The following MYO1F variants were observed in gnomAD, a reference collection of about 807,000 sequenced individuals.
MYO1F encodes the protein unconventional myosin-If.
Under a neutral mutation model 146.6 loss-of-function variants are expected in MYO1F, and 60 were observed. The observed-to-expected ratio is 0.41, with a 90% confidence interval of 0.33 to 0.51. The LOEUF (loss-of-function observed/expected upper bound fraction) is 0.51, where lower values mean the gene tolerates loss of function less well. Among genes scored for constraint, MYO1F ranks in the 20% least tolerant of loss-of-function variants. The probability of loss-of-function intolerance (pLI) is 0.25; values close to 1 mark genes in which losing one functional copy is unlikely to be tolerated. For synonymous variants in MYO1F, 602 were observed against 602.1 expected (o/e 1.00, Z 0.00); for missense variants, 1,274 against 1,534.3 (o/e 0.83, Z 2.83).
At position 8,526,439 on chromosome 19, in the gene MYO1F, C is replaced by T. The variant is rs1364157345; in HGVS notation, c.2770+14G>A. 6.4e-7 allele frequency: 1 copy of T among 1,551,838 alleles called. No individual in the cohort carries two copies. Among genetic ancestry groups the T allele is most frequent in the Non-Finnish European group, 8.7e-7 (1 of 1,147,730 alleles). ...TGGCCCCGCCCCCTCTGCCCTAGTT[C>T]CGCGCAGACTCACTGGAGCTCTTGG... On this transcript the variant is annotated intron_variant, in intron 24 of 27. Transcript: ENST00000644032.
In MYO1F at chr19:8,544,306, G is replaced by C; in HGVS notation, c.1515C>G (p.Tyr505Ter). 2 of 1,613,142 alleles carry C rather than the reference G, an allele frequency of 1.2e-6. No homozygotes were observed. Among genetic ancestry groups the C allele is most frequent in the South Asian group, 1.1e-5 (1 of 91,080 alleles). ...GGGGCAGGGGGCGCACCTTGCCAGC[G>C]TAGTGGTGGATGACGAAGCCGGCGC... ...SWSAGFVIHHYAGKVSYDVSG... is the reference protein window; with the variant it reads ...SWSAGFVIHH The change falls in exon 14 of 28, where the codon TAC (tyrosine) becomes TAG (stop). Residue 505 changes from tyrosine to a stop codon, truncating the protein, a stop_gained. Coordinates refer to ENST00000644032, the MANE Select transcript of MYO1F (RefSeq NM_012335.4). LOFTEE classifies it high-confidence loss of function.
At chr19:8,541,805 T>C in intron 15 of MYO1F, 101 bp downstream of exon 15, 1 of 1,071,724 alleles carries the variant, frequency 9.3e-7, no homozygotes, top group Admixed American at 1.7e-5. Context: ...CTCGAGTTTG[T>C]GGCGAGATGG....
chr19:8,563,499 TTTTC>T (rs1331701933), intron 1 of MYO1F, among the ~76,000 whole-genome samples: 2 of 116,680 alleles, frequency 1.7e-5, no homozygotes, highest in Non-Finnish European at 3.4e-5. Context: ...GGATTTTTCT[TTTTC>T]TTTCTTTCTT....
chr19:8,555,069 C>T (rs143108385), intron 2 of MYO1F, among the ~76,000 whole-genome samples: 1,903 of 152,030 alleles, frequency 0.013, 18 homozygotes, highest in Middle Eastern at 0.044. Context: ...CCTGTAATCC[C>T]GGCTACTTGG....
Position 8,526,972 on chromosome 19 carries a change from A to G in MYO1F, c.2475-37T>C, listed in dbSNP as rs1599914057. 3 of 1,610,756 alleles carry G rather than the reference A, an allele frequency of 1.9e-6. No homozygotes were observed. The East Asian group carries it at 6.7e-5, about 36-fold the overall frequency. ...CGGGTGAGAGCGTCAGGTGGGACAC[A>G]GGTGAGGGCGACAGGTGAGAGAGAC... On this transcript the variant is annotated intron_variant, in intron 22 of 27. Transcript: ENST00000644032.
intron 19 of MYO1F, among the ~76,000 whole-genome samples, chr19:8,536,036 T>C (rs928713996): frequency 1.3e-5 from 2 of 151,636 alleles, no homozygotes; most frequent in Non-Finnish European, 2.9e-5. Context: ...ACTTTCAGTC[T>C]ATTAATCTCT....
chr19:8,548,308 G>C lies in MYO1F; in HGVS notation c.1111C>G (p.Arg371Gly). The change falls in exon 11 of 28, where the codon CGT becomes GGT. Residue 371 changes from arginine to glycine, a missense_variant. Coordinates refer to ENST00000644032, the MANE Select transcript of MYO1F (RefSeq NM_012335.4). Reference protein sequence around the residue: ...LFDFLVEAINRAMQKPQEEYS... With the variant: ...LFDFLVEAINGAMQKPQEEYS... ...TCTTCCTGGGGTTTCTGCATAGCACGGTTGATGGCCTGCGGTGTGGGTGGG... is the reference window on the plus strand; with the variant it reads ...TCTTCCTGGGGTTTCTGCATAGCACCGTTGATGGCCTGCGGTGTGGGTGGG... The C allele has an allele frequency of 1.9e-6, 3 of 1,609,382 alleles. No homozygotes were observed. Among genetic ancestry groups the C allele is most frequent in the Non-Finnish European group, 2.5e-6 (3 of 1,179,954 alleles).
In MYO1F at chr19:8,577,185, C is replaced by G; in HGVS notation, c.3+122G>C. ...GAGCTGCACTGAGAGACACCCCACC[C>G]CCACAGAAGTCCACCATGCCCCTCC... On this transcript the variant is annotated intron_variant, in intron 1 of 27. Transcript: ENST00000644032. The surrounding 1 kb of genome is among the most constrained non-coding windows in gnomAD (Gnocchi z 4.3). 1 of 1,192,144 alleles carries G rather than the reference C, an allele frequency of 8.4e-7. No individual in the cohort carries two copies. The highest frequency in any genetic ancestry group is 2.5e-5 in the East Asian group (1 of 39,382). The allele number at this position is 1,192,144 out of a possible 1,614,324, so 73.8% of individuals were successfully genotyped here. A position where few individuals can be genotyped will look rare whatever the true frequency, so the allele number is the denominator to read the frequency against.
At chr19:8,536,839 T>A in intron 17 of MYO1F, 110 bp downstream of exon 17, 1 of 731,540 alleles carries the variant, frequency 1.4e-6, no homozygotes, top group East Asian at 2.7e-5. Flanking sequence ...GGAGGGGCTG[T>A]GCTAGTCCCT....
At chr19:8,564,197 A>G (rs1266033483) in intron 1 of MYO1F, among the ~76,000 whole-genome samples, 2 of 152,008 alleles carry the variant, frequency 1.3e-5, no homozygotes, top group Admixed American at 6.6e-5. Flanking sequence ...CCTGGCCAAC[A>G]TGGTGAAACC....
At chr19:8,543,637 CGGTGGTGGTGGTGGTGCT>C (rs1973074176) in intron 14 of MYO1F, among the ~76,000 whole-genome samples, 2 of 136,288 alleles carry the variant, frequency 1.5e-5, no homozygotes, top group Admixed American at 7.4e-5. Flanking sequence ...CCAGGGAACA[CGGTGGTGGTGGTGGTGCT>C]GGTGGTGGTG....
chr19:8,526,375 T>G, intron 24 of MYO1F, 78 bp downstream of exon 24: 1 of 1,516,676 alleles, frequency 6.6e-7, no homozygotes, highest in Non-Finnish European at 8.9e-7. Flanking sequence ...CTGTAGACAC[T>G]CCCCTTCCTG....
rs758871140 is a variant in MYO1F, at chr19:8,552,060, A to G, written c.609T>C (p.Asn203=). ...GGTAGTAGATGTGGAAGTTCCTCTC[A>G]TTTTCATTTTGCATGACCACGCGGG... ...EKSRVVMQNE[N]ERNFHIYYQL... is the part of the protein sequence containing the mutation. The change falls in exon 7 of 28, where the codon AAT becomes AAC. Residue 203 remains asparagine, a synonymous_variant. Coordinates refer to ENST00000644032, the MANE Select transcript of MYO1F (RefSeq NM_012335.4). 1.9e-6 allele frequency: 3 copies of G among 1,613,454 alleles called. No individual in the cohort carries two copies. The highest frequency in any genetic ancestry group is 1.7e-5 in the Admixed American group (1 of 59,924).
chr19:8,553,892 A>ATCT (rs1973722620), intron 4 of MYO1F, among the ~76,000 whole-genome samples: 1 of 105,162 alleles, frequency 9.5e-6, no homozygotes, highest in Non-Finnish European at 2.0e-5. Context: ...ACACACACAC[A>ATCT]CACTCTCTCT....
rs1173352940 is a variant in MYO1F, at chr19:8,540,242, C to T, written c.1611-214G>A. The T allele has an allele frequency of 1.2e-5, 6 of 490,186 alleles. No homozygotes were observed. In the South Asian group the frequency reaches 1.4e-4, roughly 12 times the overall value. The allele number at this position is 490,186 out of a possible 1,614,324, so 30.4% of individuals were successfully genotyped here. ...TCCTCCAGGTTGGGGCGCATTGGTG[C>T]GATGATAGGAACTGCAGCCTGGAAC... On this transcript the variant is annotated intron_variant, in intron 15 of 27. Coordinates refer to ENST00000644032, the MANE Select transcript of MYO1F (RefSeq NM_012335.4).
At chr19:8,553,254 A>T (rs1599997687) in intron 5 of MYO1F, 26 bp from the exon 6 acceptor site, 1 of 1,613,412 alleles carries the variant, frequency 6.2e-7, no homozygotes, top group Non-Finnish European at 8.5e-7. Flanking sequence ...GTGGAGTGGG[A>T]AGAAGTCAGA....
At chr19:8,529,879 G>A in intron 21 of MYO1F, 1 of 516,606 alleles carries the variant, frequency 1.9e-6, no homozygotes, top group Non-Finnish European at 3.5e-6. Flanking sequence ...CTGGGGGATA[G>A]ATACCTGTGG....
At chr19:8,536,646 C>T (rs1237049374) in intron 17 of MYO1F, 49 bp from the exon 18 acceptor site, 2 of 290,528 alleles carry the variant, frequency 6.9e-6, no homozygotes, top group Admixed American at 8.1e-5. Flanking sequence ...AGTCACCAGT[C>T]CTGGGGGTGG....
intron 4 of MYO1F, among the ~76,000 whole-genome samples, chr19:8,553,894 A>ACACACACACACACACACACACACACT: frequency 7.8e-5 from 8 of 102,664 alleles, no homozygotes; most frequent in African/African-American, 2.1e-4. Context: ...ACACACACAC[A>ACACACACACACACACACACACACACT]CTCTCTCTCT....
Sources: allele counts gnomAD v4.1 joint callset (sites outside exome capture counted in the v4.1 genomes callset), GRCh38; gene constraint gnomAD v4.1.1; non-coding constraint Gnocchi (gnomAD v3.1); transcripts MANE v1.5; gene names NCBI Gene and HGNC (gene_info 2026-07-23, HGNC 2026-07-21).